The following FNDC3B variants were observed in gnomAD, a reference collection of about 807,000 sequenced individuals.
FNDC3B encodes the protein fibronectin type III domain containing 3B, also known as fibronectin type III domain-containing protein 3B.
Under a neutral mutation model 151.5 loss-of-function variants are expected in FNDC3B, and 12 were observed. That is an observed-to-expected ratio of 0.08 (90% CI 0.05 to 0.13). The LOEUF (loss-of-function observed/expected upper bound fraction) is 0.13. Among genes scored for constraint, FNDC3B ranks in the 10% least tolerant of loss-of-function variants. The pLI is 1.00. For synonymous variants in FNDC3B, 528 were observed against 549.0 expected (o/e 0.96, Z 0.54); for missense variants, 1,214 against 1,505.3 (o/e 0.81, Z 3.20).
intron 6 of FNDC3B, among the ~76,000 whole-genome samples, chr3:172,285,354 T>C (rs1729953686): frequency 6.6e-6 from 1 of 152,174 alleles, no homozygotes. Context: ...TTACCTTCCA[T>C]ATATCCGTTG....
intron 3 of FNDC3B, among the ~76,000 whole-genome samples, chr3:172,181,550 G>A (rs995077627): frequency 6.6e-6 from 1 of 151,978 alleles, no homozygotes; most frequent in African/African-American, 2.4e-5. Flanking sequence ...TCAGTGGGAA[G>A]CCAGGCGTGG....
At chr3:172,265,164 G>T (rs531876076) in intron 6 of FNDC3B, among the ~76,000 whole-genome samples, 7 of 152,144 alleles carry the variant, frequency 4.6e-5, no homozygotes, top group Non-Finnish European at 1.0e-4. Flanking sequence ...TATTTCTATA[G>T]ATCAAAAATA....
At chr3:172,196,347 C>T (rs1724829462) in intron 3 of FNDC3B, among the ~76,000 whole-genome samples, 1 of 151,974 alleles carries the variant, frequency 6.6e-6, no homozygotes, top group Non-Finnish European at 1.5e-5. Context: ...TACCACCATG[C>T]CCAGCTAATT....
At chr3:172,365,684 G>A (rs1027399632) in intron 23 of FNDC3B, among the ~76,000 whole-genome samples, 1 of 152,122 alleles carries the variant, frequency 6.6e-6, no homozygotes, top group African/African-American at 2.4e-5. Context: ...GAAGGAAGCA[G>A]CCTTAAAGTG....
At chr3:172,367,371 A>G (rs1040926939) in intron 23 of FNDC3B, among the ~76,000 whole-genome samples, 1 of 152,208 alleles carries the variant, frequency 6.6e-6, no homozygotes, top group African/African-American at 2.4e-5. Flanking sequence ...ATAAATTAAC[A>G]TCAAACAATA....
At chr3:172,250,614 C>T (rs1728013222) in intron 5 of FNDC3B, among the ~76,000 whole-genome samples, 1 of 152,056 alleles carries the variant, frequency 6.6e-6, no homozygotes, top group Non-Finnish European at 1.5e-5. Flanking sequence ...CTACTGAAAA[C>T]ATATTGAAAG....
At chr3:172,361,919 G>T (rs1734383851) in intron 22 of FNDC3B, among the ~76,000 whole-genome samples, 1 of 152,130 alleles carries the variant, frequency 6.6e-6, no homozygotes, top group Admixed American at 6.5e-5. Context: ...CAATCCTCCT[G>T]CCTCGGCTTC....
intron 25 of FNDC3B, among the ~76,000 whole-genome samples, chr3:172,393,650 GACC>G (rs1334087821): frequency 6.6e-6 from 1 of 152,122 alleles, no homozygotes; most frequent in Non-Finnish European, 1.5e-5. Context: ...TATCTTTTCA[GACC>G]ACAGTGTTAA....
At chr3:172,186,924 G>T (rs527860094) in intron 3 of FNDC3B, 14 of 530,628 alleles carry the variant, frequency 2.6e-5, no homozygotes, top group African/African-American at 2.5e-4. Flanking sequence ...CATCAACAAT[G>T]TGATTCAATT....
chr3:172,198,189 C>T (rs1487790475), intron 3 of FNDC3B, among the ~76,000 whole-genome samples: 1 of 151,110 alleles, frequency 6.6e-6, no homozygotes, highest in East Asian at 2.0e-4. Context: ...CTTTTCCTGC[C>T]TTAGTCCTGA....
intron 24 of FNDC3B, among the ~76,000 whole-genome samples, chr3:172,379,773 T>C (rs1319896715): frequency 1.3e-5 from 2 of 152,160 alleles, no homozygotes; most frequent in African/African-American, 4.8e-5. Flanking sequence ...TTCAGGGGTC[T>C]TTCTAGAAAG....
chr3:172,390,999 C>G (rs1166339828), intron 25 of FNDC3B, among the ~76,000 whole-genome samples: 1 of 152,086 alleles, frequency 6.6e-6, no homozygotes, highest in African/African-American at 2.4e-5. Context: ...CGGTGTCACA[C>G]TGTAGTCATT....
chr3:172,141,208 A>C (rs1020092385), intron 3 of FNDC3B, among the ~76,000 whole-genome samples: 1 of 152,202 alleles, frequency 6.6e-6, no homozygotes, highest in Non-Finnish European at 1.5e-5. Flanking sequence ...TGTAGAAATC[A>C]GTTGAAATTC....
intron 22 of FNDC3B, among the ~76,000 whole-genome samples, chr3:172,356,498 A>ATAT (rs1734102358): frequency 3.9e-5 from 6 of 152,212 alleles, no homozygotes; most frequent in Non-Finnish European, 8.8e-5. Flanking sequence ...TTATAGGTAG[A>ATAT]GATCTTATCT....
chr3:172,397,656 T>C lies in FNDC3B; in HGVS notation c.*181T>C. ...TTTGAAATGCAAAACTAGGAAAAGG[T>C]TAAACTGGATTTTTTTTTTTAAAAA... is the stretch of plus-strand genomic sequence containing the variant. On this transcript the variant is annotated 3_prime_UTR_variant, in exon 26 of 26. Transcript: ENST00000415807. 2.6e-6 allele frequency: 1 copy of C among 381,430 alleles called. No homozygotes were observed. 23.6% of individuals were successfully genotyped at this position (381,430 alleles called of 1,614,324 possible).
chr3:172,167,684 C>CCACA (rs2108628822), intron 3 of FNDC3B, among the ~76,000 whole-genome samples: 1 of 152,272 alleles, frequency 6.6e-6, no homozygotes, highest in African/African-American at 2.4e-5. Flanking sequence ...AGGAACCAGG[C>CCACA]CACACAGCAG....
intron 8 of FNDC3B, among the ~76,000 whole-genome samples, chr3:172,298,102 A>G (rs1285279834): frequency 6.6e-6 from 1 of 152,198 alleles, no homozygotes; most frequent in Non-Finnish European, 1.5e-5. Flanking sequence ...TGACACTGAT[A>G]TTTTTGAAGA....
intron 25 of FNDC3B, among the ~76,000 whole-genome samples, chr3:172,389,850 C>T (rs1271828571): frequency 5.3e-5 from 8 of 151,944 alleles, no homozygotes; most frequent in South Asian, 2.1e-4. Context: ...TGGGCGAGAG[C>T]GAGACTCGGT....
chr3:172,231,545 C>T (rs1256057236), intron 4 of FNDC3B, among the ~76,000 whole-genome samples: 2 of 152,180 alleles, frequency 1.3e-5, no homozygotes, highest in South Asian at 2.1e-4. Context: ...AATGGCCCCA[C>T]TTTGGAGTTA....
Sources: allele counts gnomAD v4.1 joint callset (sites outside exome capture counted in the v4.1 genomes callset), GRCh38; gene constraint gnomAD v4.1.1; transcripts MANE v1.5; gene names NCBI Gene and HGNC (gene_info 2026-07-23, HGNC 2026-07-21).